Variants in FOXN2 observed in about 807,000 individuals in gnomAD.
The protein encoded by FOXN2 is forkhead box N2.
A neutral mutation model predicts 41.2 loss-of-function variants in FOXN2; 19 were observed. The observed-to-expected ratio is 0.46, with a 90% CI of 0.32 to 0.68. The LOEUF (loss-of-function observed/expected upper bound fraction) is 0.68. Among genes scored for constraint, FOXN2 ranks in the 30% least tolerant of loss-of-function variants. The probability of loss-of-function intolerance (pLI) is 0.03; values close to 1 mark genes in which losing one functional copy is unlikely to be tolerated. For synonymous variants in FOXN2, 195 were observed against 176.8 expected (o/e 1.10, Z -0.82); for missense variants, 587 against 509.4 (o/e 1.15, Z -1.47).
chr2:48,325,848 T>TC (rs1236070833), intron 1 of FOXN2, among the ~76,000 whole-genome samples: 1 of 145,746 alleles, frequency 6.9e-6, no homozygotes, highest in African/African-American at 2.6e-5. Flanking sequence ...AGATTTCTTT[T>TC]TTTTTTTTTT....
At chr2:48,371,216 G>C (rs1478379302) in intron 5 of FOXN2, among the ~76,000 whole-genome samples, 2 of 152,088 alleles carry the variant, frequency 1.3e-5, no homozygotes. Context: ...TGGCCAACAT[G>C]GTGAAATTCC....
At chr2:48,361,774 C>G (rs1030847231) in intron 4 of FOXN2, among the ~76,000 whole-genome samples, 4 of 151,382 alleles carry the variant, frequency 2.6e-5, no homozygotes, top group African/African-American at 9.7e-5. Context: ...TATTTTAATT[C>G]CTGGATTAAA....
At chr2:48,318,537 A>T (rs1669083117) in intron 1 of FOXN2, among the ~76,000 whole-genome samples, 1 of 152,122 alleles carries the variant, frequency 6.6e-6, no homozygotes, top group Non-Finnish European at 1.5e-5. Flanking sequence ...GTCTTTGTGG[A>T]GTTTCGCCCA....
intron 2 of FOXN2, among the ~76,000 whole-genome samples, chr2:48,335,598 CTA>C (rs984657842): frequency 5.1e-5 from 6 of 117,144 alleles, no homozygotes; most frequent in African/African-American, 1.8e-4. Context: ...CAGTGACAGA[CTA>C]TTTTTTAAGC....
Position 48,314,800 on chromosome 2 carries a change from C to T in FOXN2, c.-171C>T, listed in dbSNP as rs1255833742. 1 of 152,186 alleles carries T rather than the reference C, an allele frequency of 6.6e-6. No homozygotes were observed. Among genetic ancestry groups the T allele is most frequent in the Non-Finnish European group, 1.5e-5 (1 of 68,062 alleles). The allele number at this position is 152,186 out of a possible 1,614,324, so 9.4% of individuals were successfully genotyped here. The stretch of plus-strand genomic sequence containing the variant: ...TCTTCCCCGGCCGGTCCCTCGCCTC[C>T]CGGCCGAGCTGACGGTGAGTCCCGG... On this transcript the variant is annotated 5_prime_UTR_variant, in exon 1 of 7. Transcript: ENST00000340553.
At chr2:48,362,992 T>G (rs545163740) in intron 5 of FOXN2, among the ~76,000 whole-genome samples, 24 of 152,336 alleles carry the variant, frequency 1.6e-4, no homozygotes, top group Non-Finnish European at 2.6e-4. Context: ...TGTCACTAGT[T>G]TATGTATTTA....
In FOXN2 at chr2:48,346,525, C is replaced by T. The variant is rs1410142183; in HGVS notation, c.311C>T (p.Pro104Leu). Residue 104 changes from proline (P) to leucine (L), a missense_variant, in exon 3 of 7, where the codon CCA (proline) becomes CTA (leucine). Physicochemically the swap from Pro to Leu is moderately conservative, Grantham distance 98 (BLOSUM62 -3). Coordinates refer to ENST00000340553, the MANE Select transcript of FOXN2 (RefSeq NM_002158.4). Reference sequence around the variant, plus strand: ...TTTGGACCAGCTTGCTACCAGAACCCAGAAAAAAAATCAGCGACTTCAAAG... The same window carrying T: ...TTTGGACCAGCTTGCTACCAGAACCTAGAAAAAAAATCAGCGACTTCAAAG... The part of the protein sequence containing the change: ...PSFGPACYQN[P>L]EKKSATSKPP... The T allele has an allele frequency of 2.5e-6, 4 of 1,612,596 alleles. No individual in the cohort carries two copies. Among genetic ancestry groups the T allele is most frequent in the Non-Finnish European group, 3.4e-6 (4 of 1,179,554 alleles).
intron 1 of FOXN2, among the ~76,000 whole-genome samples, chr2:48,328,108 A>G (rs1369607971): frequency 6.6e-6 from 1 of 152,270 alleles, no homozygotes; most frequent in Non-Finnish European, 1.5e-5. Flanking sequence ...TATTCAAGGC[A>G]TTGAAATATT....
intron 1 of FOXN2, among the ~76,000 whole-genome samples, chr2:48,317,902 C>T (rs941349690): frequency 2.0e-5 from 3 of 151,758 alleles, no homozygotes; most frequent in African/African-American, 4.8e-5. Flanking sequence ...CCACCACGCC[C>T]GGCTTATAGT....
chr2:48,371,362 C>G (rs183077379), intron 5 of FOXN2, among the ~76,000 whole-genome samples: 2 of 151,976 alleles, frequency 1.3e-5, no homozygotes, highest in African/African-American at 4.8e-5. Flanking sequence ...ACTCCTCTGC[C>G]TTCCAGCCTG....
intron 2 of FOXN2, among the ~76,000 whole-genome samples, chr2:48,333,951 ATTTG>A (rs1670177945): frequency 6.6e-6 from 1 of 152,070 alleles, no homozygotes; most frequent in South Asian, 2.1e-4. Flanking sequence ...TTTGAAATAT[ATTTG>A]GCCCTAAGGT....
chr2:48,370,072 A>G (rs1023363866), intron 5 of FOXN2, among the ~76,000 whole-genome samples: 1 of 152,124 alleles, frequency 6.6e-6, no homozygotes, highest in Non-Finnish European at 1.5e-5. Context: ...GGGCTTTTGC[A>G]TAATGCCATG....
chr2:48,363,228 G>A (rs937945216), intron 5 of FOXN2, among the ~76,000 whole-genome samples: 1 of 152,034 alleles, frequency 6.6e-6, no homozygotes, highest in Admixed American at 6.5e-5. Context: ...TCAGGTTAAT[G>A]TGTGTATTTG....
intron 2 of FOXN2, among the ~76,000 whole-genome samples, chr2:48,336,808 A>AT (rs200367114): frequency 0.01 from 1,557 of 149,968 alleles, 27 homozygotes; most frequent in African/African-American, 0.02. Flanking sequence ...ACACCTGGCA[A>AT]TTTTTTTTTT....
chr2:48,375,383 A>G lies in FOXN2; in HGVS notation c.1236A>G (p.Thr412=), dbSNP rs1055769781. Residue 412 remains threonine (T), a synonymous_variant, in exon 7 of 7, where the codon ACA becomes ACG. Coordinates refer to ENST00000340553, the MANE Select transcript of FOXN2 (RefSeq NM_002158.4). The stretch of plus-strand genomic sequence containing the variant: ...TGCTCCACCTTGCTGGAATTCGTAC[A>G]TGTTTAGGTTCCCTAATAAGTACTG... ...GSLLHLAGIR[T]CLGSLISTAK... 5 of 1,613,580 alleles carry G rather than the reference A, an allele frequency of 3.1e-6. No homozygotes were observed. In the African/African-American group the frequency reaches 5.3e-5, roughly 17 times the overall value.
chr2:48,327,789 C>G (rs1226130054), intron 1 of FOXN2, among the ~76,000 whole-genome samples: 1 of 152,188 alleles, frequency 6.6e-6, no homozygotes, highest in African/African-American at 2.4e-5. Flanking sequence ...AATTTTTTAG[C>G]ATAAATATAT....
chr2:48,315,419 C>G (rs1000987457), intron 1 of FOXN2, among the ~76,000 whole-genome samples: 5 of 152,114 alleles, frequency 3.3e-5, no homozygotes, highest in African/African-American at 1.2e-4. Context: ...GGGAGCGACC[C>G]CGGCACCCTC....
chr2:48,339,751 T>G (rs1314789070), intron 2 of FOXN2, among the ~76,000 whole-genome samples: 1 of 152,196 alleles, frequency 6.6e-6, no homozygotes, highest in African/African-American at 2.4e-5. Flanking sequence ...TAATTCTACT[T>G]CTTGACATAT....
intron 2 of FOXN2, among the ~76,000 whole-genome samples, chr2:48,339,839 C>T (rs1461554319): frequency 6.6e-6 from 1 of 152,172 alleles, no homozygotes; most frequent in African/African-American, 2.4e-5. Context: ...ACTTCTATAA[C>T]AGTAGTACTT....
Sources: allele counts gnomAD v4.1 joint callset (sites outside exome capture counted in the v4.1 genomes callset), GRCh38; gene constraint gnomAD v4.1.1; transcripts MANE v1.5; gene names NCBI Gene and HGNC (gene_info 2026-07-23, HGNC 2026-07-21).